The following ILF2 variants were observed in gnomAD, a reference collection of about 807,000 sequenced individuals.
ILF2 encodes the protein interleukin enhancer-binding factor 2.
ILF2 carries 9 observed loss-of-function variants against 55.3 expected under a neutral mutation model. The observed-to-expected ratio is 0.16, with a 90% CI of 0.10 to 0.28. The LOEUF is 0.28. Among genes scored for constraint, ILF2 ranks in the 10% least tolerant of loss-of-function variants. The pLI is 1.00. For synonymous variants in ILF2, 151 were observed against 161.8 expected (o/e 0.93, Z 0.50); for missense variants, 266 against 474.9 (o/e 0.56, Z 4.09).
In ILF2 at chr1:153,662,759, T is replaced by C; in HGVS notation, c.958A>G (p.Ile320Val). 3.7e-6 allele frequency: 6 copies of C among 1,614,188 alleles called. No homozygotes were observed. The highest frequency in any genetic ancestry group is 5.1e-6 in the Non-Finnish European group (6 of 1,180,032). Residue 320 changes from isoleucine (I) to valine (V), a missense_variant, in exon 13 of 14, where the codon ATC becomes GTC. Transcript: ENST00000361891. ...TTCCTAAAGCCACCATGTGAGAGGA[T>C]TCGGACGAGAGTCTGAGCTGTATAG... The part of the protein sequence containing the change: ...VCYTAQTLVR[I>V]LSHGGFRKIL...
At chr1:153,669,804 G>T in intron 3 of ILF2, 32 bp downstream of exon 3, 1 of 1,570,432 alleles carries the variant, frequency 6.4e-7, no homozygotes, top group Non-Finnish European at 8.8e-7. Flanking sequence ...ACAGTGACCA[G>T]AAAATGTGTA....
chr1:153,663,440 T>C (rs2101711991), intron 10 of ILF2, among the ~76,000 whole-genome samples, 164 bp from the exon 11 acceptor site: 1 of 152,144 alleles, frequency 6.6e-6, no homozygotes, highest in Non-Finnish European at 1.5e-5. Context: ...GCAACCCTCC[T>C]GACTCAGCCT....
At chr1:153,663,752 C>G (rs1243902088) in intron 10 of ILF2, among the ~76,000 whole-genome samples, 1 of 145,808 alleles carries the variant, frequency 6.9e-6, no homozygotes, top group Non-Finnish European at 1.5e-5. Flanking sequence ...TGGTAGCAGT[C>G]ATGAGAAGAA....
Position 153,665,221 on chromosome 1 carries a change from A to G in ILF2, c.576T>C (p.His192=), listed in dbSNP as rs2101713731. 3 of 1,543,218 alleles carry G rather than the reference A, an allele frequency of 1.9e-6. No homozygotes were observed. The highest frequency in any genetic ancestry group is 1.1e-5 in the South Asian group (1 of 89,324). The part of the protein sequence containing the change: ...PNLRKLDPEL[H]LDIKVLQSAL... The stretch of plus-strand genomic sequence containing the variant: ...AGCAATGGAAAAAAAAGAACTAACA[A>G]TGGAGTTCTGGATCCAGTTTTCGAA... Residue 192 remains histidine, a splice_region_variant and synonymous_variant, in exon 8 of 14, where the codon CAT becomes CAC. Transcript: ENST00000361891.
In ILF2 at chr1:153,662,257, A is replaced by G. The variant is rs1669187926; in HGVS notation, c.*139T>C. 2 of 1,065,332 alleles carry G rather than the reference A, an allele frequency of 1.9e-6. No individual in the cohort carries two copies. Among genetic ancestry groups the G allele is most frequent in the Non-Finnish European group, 2.7e-6 (2 of 736,918 alleles). The allele number at this position is 1,065,332 out of a possible 1,614,324, so 66.0% of individuals were successfully genotyped here. A position where few individuals can be genotyped will look rare whatever the true frequency, so the allele number is the denominator to read the frequency against. The stretch of plus-strand genomic sequence containing the variant: ...TAAGCCAATATCAAAACCCAGTGGA[A>G]TGACACTTCTATGGAGTTTACTTTT... On this transcript the variant is annotated 3_prime_UTR_variant, in exon 14 of 14. Coordinates refer to ENST00000361891, the MANE Select transcript of ILF2 (RefSeq NM_004515.4).
chr1:153,668,581 A>C lies in ILF2; in HGVS notation c.109-24T>G, dbSNP rs199680627. ...CACTAAACCAGAAGTAAACAACTAC[A>C]TTCTATTTGCCGAAGATAATATACA... On this transcript the variant is annotated intron_variant, in intron 3 of 13. Transcript: ENST00000361891. The C allele has an allele frequency of 1.9e-6, 3 of 1,598,558 alleles. No individual in the cohort carries two copies. In the East Asian group the frequency reaches 6.7e-5, roughly 36 times the overall value.
intron 10 of ILF2, 91 bp from the exon 11 acceptor site, chr1:153,663,367 C>A: frequency 8.0e-7 from 1 of 1,245,050 alleles, no homozygotes; most frequent in South Asian, 1.2e-5. Flanking sequence ...CTCACTTTGT[C>A]ATCCAGGCTG....
chr1:153,670,267 A>G, intron 1 of ILF2, 37 bp from the exon 2 acceptor site: 1 of 1,604,442 alleles, frequency 6.2e-7, no homozygotes, highest in African/African-American at 1.3e-5. Context: ...TCATTGAAGG[A>G]ATACCCACCG....
At chr1:153,665,482 G>C (rs897281445) in intron 7 of ILF2, 146 bp from the exon 8 acceptor site, 9 of 749,762 alleles carry the variant, frequency 1.2e-5, no homozygotes, top group Non-Finnish European at 1.9e-5. Flanking sequence ...TTAGAAGGGA[G>C]ATCAAACAGA....
At chr1:153,665,479 G>A (rs1669282469) in intron 7 of ILF2, 143 bp from the exon 8 acceptor site, 1 of 759,690 alleles carries the variant, frequency 1.3e-6, no homozygotes, top group East Asian at 2.6e-5. Flanking sequence ...GCTTTAGAAG[G>A]GAGATCAAAC....
rs1455331648 is a variant in ILF2 at position 153,662,146 on chromosome 1, G to A, written c.*250C>T. On this transcript the variant is annotated 3_prime_UTR_variant, in exon 14 of 14. Transcript: ENST00000361891. ...TTAGTTGAGAGAGGGGTTTTCAGGA[G>A]TTGGAGATTATAGAATATTAGGAAG... 2 of 414,944 alleles carry A rather than the reference G, an allele frequency of 4.8e-6. No individual in the cohort carries two copies. Among genetic ancestry groups the A allele is most frequent in the Middle Eastern group, 6.7e-4 (1 of 1,502 alleles). 25.7% of individuals were successfully genotyped at this position (414,944 alleles called of 1,614,324 possible). A position where few individuals can be genotyped will look rare whatever the true frequency, so the allele number is the denominator to read the frequency against.
Position 153,663,050 on chromosome 1 carries a change from C to CT in ILF2, c.889dup (p.Arg297LysfsTer31). On this transcript the variant is annotated frameshift_variant, in exon 12 of 14. Coordinates refer to ENST00000361891, the MANE Select transcript of ILF2 (RefSeq NM_004515.4). LOFTEE classifies it high-confidence loss of function. ...TTCTAGGGTCATGACTGTGTGTACT[C>CT]TAAAGTTGCCACTCTCACAGGGGTC... 6.2e-7 allele frequency: 1 copy of CT among 1,614,068 alleles called. No individual in the cohort carries two copies. The highest frequency in any genetic ancestry group is 8.5e-7 in the Non-Finnish European group (1 of 1,179,946).
At chr1:153,670,072 T>C in intron 2 of ILF2, 99 bp downstream of exon 2, 2 of 1,325,646 alleles carry the variant, frequency 1.5e-6, no homozygotes, top group East Asian at 4.6e-5. Flanking sequence ...CAGTTGGCTC[T>C]CGCAAAACCA....
chr1:153,662,796 C>A lies in ILF2; in HGVS notation c.922-1G>T. 6.2e-7 allele frequency: 1 copy of A among 1,613,570 alleles called. No individual in the cohort carries two copies. The highest frequency in any genetic ancestry group is 1.1e-5 in the South Asian group (1 of 91,016). On this transcript the variant is annotated splice_acceptor_variant, in intron 12 of 13. Coordinates refer to ENST00000361891, the MANE Select transcript of ILF2 (RefSeq NM_004515.4). LOFTEE classifies it high-confidence loss of function. ...TCTGAGCTGTATAGCAGACCATGTC[C>A]TGAAGGAAAGCAAAGTGAGAGTAAG...
In ILF2 at chr1:153,663,137, G is replaced by T; in HGVS notation, c.807-4C>A. Reference sequence around the variant, plus strand: ...AGCCAGAATCTGCAAGCAGCGCCTAGAACACAGGGAGGTATGAGGTATTAA... The same window carrying T: ...AGCCAGAATCTGCAAGCAGCGCCTATAACACAGGGAGGTATGAGGTATTAA... On this transcript the variant is annotated splice_polypyrimidine_tract_variant and splice_region_variant and intron_variant, in intron 11 of 13. Transcript: ENST00000361891. The T allele has an allele frequency of 6.2e-7, 1 of 1,614,030 alleles. No homozygotes were observed. The highest frequency in any genetic ancestry group is 1.1e-5 in the South Asian group (1 of 91,054).
In ILF2 at chr1:153,668,515, T is replaced by C. The variant is rs1669363873; in HGVS notation, c.151A>G (p.Thr51Ala). 6.2e-7 allele frequency: 1 copy of C among 1,614,090 alleles called. No individual in the cohort carries two copies. Among genetic ancestry groups the C allele is most frequent in the Non-Finnish European group, 8.5e-7 (1 of 1,179,990 alleles). ...TTCAGCAAGGCCTCACTGAAGGAAG[T>C]TTCATCAGGTGCTGGCTTGACCCGG... ...FPRVKPAPDE[T>A]SFSEALLKRN... The change falls in exon 4 of 14, where the codon ACT (threonine) becomes GCT (alanine). Residue 51 changes from threonine to alanine, a missense_variant. By Grantham distance (58) the Thr-to-Ala change is moderately conservative. Transcript: ENST00000361891.
intron 10 of ILF2, 33 bp downstream of exon 10, chr1:153,664,010 G>T: frequency 8.3e-7 from 1 of 1,200,316 alleles, no homozygotes; most frequent in Non-Finnish European, 1.2e-6. Flanking sequence ...AAATAAGGAT[G>T]ATGAGGAACT....
Position 153,662,481 on chromosome 1 carries a change from T to A in ILF2, c.1088A>T (p.Glu363Val). The change falls in exon 14 of 14, where the codon GAG (glutamate) becomes GTG (valine). Residue 363 changes from glutamate to valine, a missense_variant. Transcript: ENST00000361891. ...CTCTTCTTCCTCTCCTTCCTTCTTC[T>A]CTGGTGGCTTCTCATAAGCCTTTTC... ...PSEKAYEKPP[E>V]KKEGEEEEEN... 1 of 1,613,906 alleles carries A rather than the reference T, an allele frequency of 6.2e-7. No individual in the cohort carries two copies. The highest frequency in any genetic ancestry group is 8.5e-7 in the Non-Finnish European group (1 of 1,179,744).
chr1:153,663,091 A>G lies in ILF2; in HGVS notation c.849T>C (p.Gly283=), dbSNP rs1669213854. Residue 283 remains glycine (G), a synonymous_variant, in exon 12 of 14, where the codon GGT becomes GGC. Coordinates refer to ENST00000361891, the MANE Select transcript of ILF2 (RefSeq NM_004515.4). ...CACAGGGGTCAGTGATACCCACTGA[A>G]CCTGGCAGGAACAGTCCTGCAGCCA... ...QILAAGLFLP[G]SVGITDPCES... The G allele has an allele frequency of 6.2e-7, 1 of 1,614,066 alleles. No individual in the cohort carries two copies. Among genetic ancestry groups the G allele is most frequent in the African/African-American group, 1.3e-5 (1 of 74,930 alleles).
Sources: allele counts gnomAD v4.1 joint callset (sites outside exome capture counted in the v4.1 genomes callset), GRCh38; gene constraint gnomAD v4.1.1; transcripts MANE v1.5; gene names NCBI Gene and HGNC (gene_info 2026-07-23, HGNC 2026-07-21).